Variants in NEDD4L observed in about 807,000 individuals in gnomAD.
NEDD4L encodes E3 ubiquitin-protein ligase NEDD4-like.
A neutral mutation model predicts 148.9 loss-of-function variants in NEDD4L; 54 were observed. That is an observed-to-expected ratio of 0.36 (90% CI 0.29 to 0.45). The LOEUF is 0.45. Among genes scored for constraint, NEDD4L ranks in the 20% least tolerant of loss-of-function variants. The pLI is 1.00. For missense variants in NEDD4L, 856 were observed against 1,233.8 expected (o/e 0.69, Z 4.59); for synonymous variants, 433 against 440.7 (o/e 0.98, Z 0.22).
intron 1 of NEDD4L, among the ~76,000 whole-genome samples, chr18:58,082,629 G>A (rs146858176): frequency 1.9e-4 from 28 of 151,280 alleles, no homozygotes; most frequent in African/African-American, 6.3e-4. Context: ...AAAATTAGTC[G>A]GGCATGGTGG....
chr18:58,163,495 A>T (rs995551341), intron 1 of NEDD4L, among the ~76,000 whole-genome samples: 1 of 152,168 alleles, frequency 6.6e-6, no homozygotes, highest in African/African-American at 2.4e-5. Context: ...GCACTTTGGG[A>T]CGCCCTTTGC....
rs1420987841 is a variant in NEDD4L at position 58,370,445 on chromosome 18, C to T, written c.2234C>T (p.Thr745Ile). 2 of 1,610,180 alleles carry T rather than the reference C, an allele frequency of 1.2e-6. No individual in the cohort carries two copies. The highest frequency in any genetic ancestry group is 8.5e-7 in the Non-Finnish European group (1 of 1,176,532). ...AAGATGATGTTGGGAAAGCAGATAACCCTGAATGACATGGAATCTGTGGTA... is the reference window on the plus strand; with the variant it reads ...AAGATGATGTTGGGAAAGCAGATAATCCTGAATGACATGGAATCTGTGGTA... ...FYKMMLGKQI[T>I]LNDMESVDSE... The change falls in exon 23 of 31, where the codon ACC becomes ATC. Residue 745 changes from threonine to isoleucine, a missense_variant. Coordinates refer to ENST00000400345, the MANE Select transcript of NEDD4L (RefSeq NM_001144967.3).
chr18:58,199,364 G>A (rs1296718311), intron 2 of NEDD4L, among the ~76,000 whole-genome samples: 1 of 152,118 alleles, frequency 6.6e-6, no homozygotes, highest in African/African-American at 2.4e-5. Flanking sequence ...ATTCAAGGGA[G>A]TGGGGTGTGA....
chr18:58,099,541 A>C (rs891751988), intron 1 of NEDD4L, among the ~76,000 whole-genome samples: 3 of 152,132 alleles, frequency 2.0e-5, no homozygotes, highest in Non-Finnish European at 4.4e-5. Context: ...CTTTAGTGCT[A>C]TTTCCTGTTA....
At chr18:58,324,254 A>G (rs1184867951) in intron 8 of NEDD4L, among the ~76,000 whole-genome samples, 1 of 152,238 alleles carries the variant, frequency 6.6e-6, no homozygotes, top group Non-Finnish European at 1.5e-5. Context: ...CCAGTGAATT[A>G]CTTAATTTTC....
Position 58,276,963 on chromosome 18 carries a change from G to A in NEDD4L, c.297+24909G>A, listed in dbSNP as rs142527776. ...CCTGCTGTTGATCAAACATTTCTGT[G>A]TGGAGAGACTTTGTTTTTCCCTTGG... On this transcript the variant is annotated intron_variant, in intron 5 of 30. Coordinates refer to ENST00000400345, the MANE Select transcript of NEDD4L (RefSeq NM_001144967.3). Among the ~76,000 whole-genome samples the A allele has an allele frequency of 5.3e-5, 8 of 152,244 alleles. No homozygotes were observed. The East Asian group carries it at 1.5e-3, about 29-fold the overall frequency.
intron 2 of NEDD4L, among the ~76,000 whole-genome samples, chr18:58,188,580 C>T (rs980931874): frequency 2.0e-5 from 3 of 152,238 alleles, no homozygotes; most frequent in African/African-American, 7.2e-5. Flanking sequence ...CCGTGGGGCA[C>T]GTCCAATTTG....
At chr18:58,359,146 C>T (rs2045128547) in intron 19 of NEDD4L, among the ~76,000 whole-genome samples, 1 of 152,228 alleles carries the variant, frequency 6.6e-6, no homozygotes, top group Non-Finnish European at 1.5e-5. Flanking sequence ...CTGTCAGTCT[C>T]TGTGGTGACT....
At chr18:58,072,552 C>T (rs547915889) in intron 1 of NEDD4L, among the ~76,000 whole-genome samples, 5 of 152,244 alleles carry the variant, frequency 3.3e-5, no homozygotes, top group Non-Finnish European at 5.9e-5. Flanking sequence ...TGAAAACTAT[C>T]AACTAGTAAT....
Position 58,396,290 on chromosome 18 carries a change from GGTT to G in NEDD4L, c.*25_*27del. ...ATTAAGCACCCTGTGCCTCGGGGGT[GGTT>G]GTTCTTCAAGCAAGTTCTGCTTGCA... On this transcript the variant is annotated 3_prime_UTR_variant, in exon 31 of 31. Transcript: ENST00000400345. 1.9e-6 allele frequency: 3 copies of G among 1,543,924 alleles called. No homozygotes were observed. The highest frequency in any genetic ancestry group is 1.7e-5 in the Admixed American group (1 of 58,352).
rs781216536 is a variant in NEDD4L, at chr18:58,391,473, C to T, written c.2753-14C>T. ...CCAAGCAATCTTAACATTTCTTTTTCTTTTCTTGTCTAGGTTCCAATGGTC... is the reference window on the plus strand; with the variant it reads ...CCAAGCAATCTTAACATTTCTTTTTTTTTTCTTGTCTAGGTTCCAATGGTC... On this transcript the variant is annotated splice_polypyrimidine_tract_variant and intron_variant, in intron 29 of 30. Coordinates refer to ENST00000400345, the MANE Select transcript of NEDD4L (RefSeq NM_001144967.3). The T allele has an allele frequency of 6.4e-7, 1 of 1,559,132 alleles. No homozygotes were observed. Among genetic ancestry groups the T allele is most frequent in the Non-Finnish European group, 8.7e-7 (1 of 1,148,656 alleles).
Position 58,175,898 on chromosome 18 carries a change from A to G in NEDD4L, c.122+10037A>G, listed in dbSNP as rs992088793. Among the ~76,000 whole-genome samples, 5 of 152,166 alleles carry G rather than the reference A, an allele frequency of 3.3e-5. No homozygotes were observed. In the South Asian group the frequency reaches 6.2e-4, roughly 19 times the overall value. On this transcript the variant is annotated intron_variant, in intron 2 of 30. Transcript: ENST00000400345. ...ATATGTCAATCCTAGCCTCCACACC[A>G]CCCAGCCGACCAGGTTTCCCAGAGG... is the stretch of plus-strand genomic sequence containing the variant.
chr18:58,183,656 T>C (rs2039103232), intron 2 of NEDD4L, among the ~76,000 whole-genome samples: 1 of 152,234 alleles, frequency 6.6e-6, no homozygotes, highest in African/African-American at 2.4e-5. Flanking sequence ...CGCATGGGCC[T>C]GTAAATAGCT....
intron 5 of NEDD4L, among the ~76,000 whole-genome samples, chr18:58,260,018 A>T (rs1447591814): frequency 6.6e-6 from 1 of 152,202 alleles, no homozygotes; most frequent in Non-Finnish European, 1.5e-5. Flanking sequence ...TACCCTAAAA[A>T]TAACTCGAGT....
At chr18:58,210,952 A>G (rs948609834) in intron 2 of NEDD4L, among the ~76,000 whole-genome samples, 2 of 152,230 alleles carry the variant, frequency 1.3e-5, no homozygotes, top group African/African-American at 2.4e-5. Flanking sequence ...CATCACTATC[A>G]TCAGTTGTTA....
At position 58,373,251 on chromosome 18, in the gene NEDD4L, C is replaced by T. The variant is rs200245819; in HGVS notation, c.2334C>T (p.Asp778=). Residue 778 remains aspartate (D), a synonymous_variant, in exon 24 of 31, where the codon GAC becomes GAT. Coordinates refer to ENST00000400345, the MANE Select transcript of NEDD4L (RefSeq NM_001144967.3). The part of the protein sequence containing the change: ...PTELDLMFCI[D]EENFGQTYQV... ...AGCTGGACCTCATGTTCTGCATAGA[C>T]GAAGAAAACTTTGGACAGGTACATG... 4.4e-5 allele frequency: 70 copies of T among 1,577,242 alleles called. No individual in the cohort carries two copies. The highest frequency in any genetic ancestry group is 1.5e-4 in the African/African-American group (11 of 74,444).
chr18:58,226,330 T>G (rs1274931804), intron 2 of NEDD4L, among the ~76,000 whole-genome samples: 1 of 152,198 alleles, frequency 6.6e-6, no homozygotes, highest in Non-Finnish European at 1.5e-5. Context: ...AAAGTGCCCT[T>G]TATCTCCCAG....
intron 2 of NEDD4L, among the ~76,000 whole-genome samples, chr18:58,205,568 G>A (rs1399789722): frequency 6.6e-6 from 1 of 151,824 alleles, no homozygotes; most frequent in Non-Finnish European, 1.5e-5. Flanking sequence ...AGGGACTGTG[G>A]AGTGTGTCAG....
intron 1 of NEDD4L, among the ~76,000 whole-genome samples, chr18:58,153,904 T>TC (rs1489887836): frequency 5.9e-5 from 9 of 152,146 alleles, no homozygotes; most frequent in African/African-American, 2.2e-4. Flanking sequence ...CTACTTGGCC[T>TC]CCAAAATGCT....
Sources: gnomAD v4.1 joint callset for allele counts (sites outside exome capture counted in the v4.1 genomes callset) on GRCh38, gnomAD v4.1.1 for gene constraint, MANE v1.5 for transcripts, NCBI Gene and HGNC (gene_info 2026-07-23, HGNC 2026-07-21) for gene names.